PEX5L: variants seen among roughly 807,000 people sequenced by gnomAD.
PEX5L encodes PEX5-related protein.
In PEX5L, 30 loss-of-function variants were observed where a neutral mutation model predicts 84.0. The ratio of observed to expected loss-of-function variants is 0.36; its 90% CI spans 0.27 to 0.48. The LOEUF (loss-of-function observed/expected upper bound fraction) is 0.48. Ranked by LOEUF, PEX5L falls within the 20% of genes least tolerant of loss-of-function variation. PEX5L has a pLI of 0.99. For missense variants in PEX5L, 533 were observed against 754.6 expected (o/e 0.71, Z 3.44); for synonymous variants, 270 against 283.1 (o/e 0.95, Z 0.46).
In PEX5L at chr3:179,885,374, C is replaced by T. The variant is rs142238596; in HGVS notation, c.310+2299G>A. ...AAAAAGGGGAAATTTGGGCCAGGCG[C>T]GGTGGTTCACGCCTGTAATTCCAGC... On this transcript the variant is annotated intron_variant, in intron 4 of 14. Transcript: ENST00000467460. Among the ~76,000 whole-genome samples the T allele has an allele frequency of 6.1e-3, 925 of 152,182 alleles. 6 individuals carry two copies. Among genetic ancestry groups the T allele is most frequent in the Non-Finnish European group, 0.011 (731 of 67,994 alleles).
chr3:179,796,652 T>C lies in PEX5L; in HGVS notation c.*5176A>G, dbSNP rs1717098713. The C allele has an allele frequency of 6.6e-6, 1 of 152,192 alleles. No homozygotes were observed. The highest frequency in any genetic ancestry group is 1.9e-4 in the East Asian group (1 of 5,204). The allele number at this position is 152,192 out of a possible 1,614,324, so 9.4% of individuals were successfully genotyped here. A position where few individuals can be genotyped will look rare whatever the true frequency, so the allele number is the denominator to read the frequency against. ...TATATGGAGTGAGTAACAAAGCTGTTACTAATGTAAGACCACATGGTCTCA... is the reference window on the plus strand; with the variant it reads ...TATATGGAGTGAGTAACAAAGCTGTCACTAATGTAAGACCACATGGTCTCA... On this transcript the variant is annotated 3_prime_UTR_variant, in exon 15 of 15. Coordinates refer to ENST00000467460, the MANE Select transcript of PEX5L (RefSeq NM_016559.3).
intron 8 of PEX5L, among the ~76,000 whole-genome samples, chr3:179,851,469 A>G (rs1420659338): frequency 6.6e-6 from 1 of 152,202 alleles, no homozygotes; most frequent in Non-Finnish European, 1.5e-5. Flanking sequence ...GCTTCAACCT[A>G]TGAATGCTAA....
At chr3:179,834,721 C>G (rs988812322) in intron 8 of PEX5L, among the ~76,000 whole-genome samples, 1 of 152,112 alleles carries the variant, frequency 6.6e-6, no homozygotes, top group Non-Finnish European at 1.5e-5. Flanking sequence ...CAATACTGTC[C>G]TTGAGACCAA....
intron 1 of PEX5L, among the ~76,000 whole-genome samples, chr3:180,007,205 A>G (rs1561054619): frequency 6.6e-6 from 1 of 152,232 alleles, no homozygotes; most frequent in Non-Finnish European, 1.5e-5. Context: ...CGAACGGGTA[A>G]CAGGACCCAT....
intron 8 of PEX5L, among the ~76,000 whole-genome samples, chr3:179,847,522 A>G (rs1394484227): frequency 6.6e-6 from 1 of 152,248 alleles, no homozygotes; most frequent in African/African-American, 2.4e-5. Context: ...GAATAAAGTC[A>G]AATGAATAAA....
At chr3:179,994,584 A>T (rs773929197) in intron 1 of PEX5L, among the ~76,000 whole-genome samples, 1 of 152,156 alleles carries the variant, frequency 6.6e-6, no homozygotes, top group Non-Finnish European at 1.5e-5. Flanking sequence ...GGGAGTCATC[A>T]TCCACTGGCT....
chr3:179,872,022 C>T (rs1184379195), intron 7 of PEX5L, among the ~76,000 whole-genome samples: 1 of 152,112 alleles, frequency 6.6e-6, no homozygotes, highest in South Asian at 2.1e-4. Context: ...AGGAGCTGGG[C>T]TACAGGCTTG....
intron 8 of PEX5L, among the ~76,000 whole-genome samples, chr3:179,845,385 T>C (rs978477029): frequency 1.3e-5 from 2 of 152,210 alleles, no homozygotes; most frequent in African/African-American, 4.8e-5. Flanking sequence ...ATGAATACTT[T>C]CTGGGTATGT....
rs1361175411 is a variant in PEX5L, at chr3:179,808,852, C to T, written c.1353-415G>A. Among the ~76,000 whole-genome samples the T allele has an allele frequency of 2.6e-5, 4 of 151,486 alleles. No homozygotes were observed. In the South Asian group the frequency reaches 6.2e-4, roughly 24 times the overall value. ...CAGCACTTTGGGAGGCCGAGGCGGG[C>T]GGATCACGAGGTCAGGGAATCAAGA... On this transcript the variant is annotated intron_variant, in intron 12 of 14. Coordinates refer to ENST00000467460, the MANE Select transcript of PEX5L (RefSeq NM_016559.3).
Position 179,905,653 on chromosome 3 carries a change from AT to A in PEX5L, c.94-7408del, listed in dbSNP as rs35967860. ...GATTGGCTCCAAAGAAGTTCTTGCC[AT>A]TTTTTTTTTTCCTGACGATGCAGTT... On this transcript the variant is annotated intron_variant, in intron 2 of 14. Coordinates refer to ENST00000467460, the MANE Select transcript of PEX5L (RefSeq NM_016559.3). 9.4e-3 allele frequency among the ~76,000 whole-genome samples: 1,387 copies of A among 147,370 alleles called. 20 individuals are homozygous for A. The highest frequency in any genetic ancestry group is 0.032 in the African/African-American group (1,302 of 40,474).
At chr3:179,872,746 C>T (rs1439059402) in intron 7 of PEX5L, among the ~76,000 whole-genome samples, 4 of 152,160 alleles carry the variant, frequency 2.6e-5, no homozygotes, top group African/African-American at 9.7e-5. Flanking sequence ...TAGAAACAAA[C>T]GTTTTATTGC....
intron 7 of PEX5L, among the ~76,000 whole-genome samples, chr3:179,866,647 T>C (rs1346940793): frequency 2.6e-5 from 4 of 152,162 alleles, no homozygotes; most frequent in South Asian, 2.1e-4. Context: ...TGGAATCTTA[T>C]ACTAGAATAG....
At chr3:179,867,282 GT>G (rs1053373334) in intron 7 of PEX5L, among the ~76,000 whole-genome samples, 2 of 151,960 alleles carry the variant, frequency 1.3e-5, no homozygotes, top group African/African-American at 4.8e-5. Context: ...AAAATTTTGG[GT>G]TTTTTTCCTG....
intron 10 of PEX5L, among the ~76,000 whole-genome samples, chr3:179,812,830 G>T (rs1211826381): frequency 1.3e-5 from 2 of 151,090 alleles, no homozygotes; most frequent in Non-Finnish European, 3.0e-5. Context: ...TTTGGGGAGT[G>T]TGTAACTCTC....
chr3:180,036,853 G>A lies in PEX5L; in HGVS notation c.-254C>T. 1 of 558,432 alleles carries A rather than the reference G, an allele frequency of 1.8e-6. No individual in the cohort carries two copies. Among genetic ancestry groups the A allele is most frequent in the Non-Finnish European group, 3.2e-6 (1 of 309,062 alleles). The allele number at this position is 558,432 out of a possible 1,614,324, so 34.6% of individuals were successfully genotyped here. ...GCAGAGAAGGCGAGGAGCCGGGTCG[G>A]CCAGGCTCTCCTGCAGGCGCGGGTC... is the stretch of plus-strand genomic sequence containing the variant. On this transcript the variant is annotated 5_prime_UTR_variant, in exon 1 of 15. Coordinates refer to ENST00000467460, the MANE Select transcript of PEX5L (RefSeq NM_016559.3).
chr3:179,822,422 C>T lies in PEX5L; in HGVS notation c.823-2446G>A, dbSNP rs567644321. On this transcript the variant is annotated intron_variant, in intron 8 of 14. Transcript: ENST00000467460. ...CCTCAGCTGAGGTAGAGCTGCTGGG[C>T]TCTCACTTAATGAGATACACCAGAA... 2.6e-5 allele frequency among the ~76,000 whole-genome samples: 4 copies of T among 152,312 alleles called. No individual in the cohort carries two copies. In the South Asian group the frequency reaches 8.3e-4, roughly 32 times the overall value.
intron 7 of PEX5L, among the ~76,000 whole-genome samples, chr3:179,860,350 G>C (rs1745603520): frequency 6.6e-6 from 1 of 152,214 alleles, no homozygotes; most frequent in South Asian, 2.1e-4. Context: ...TTTTATTATA[G>C]AGTGGAGGTG....
intron 8 of PEX5L, among the ~76,000 whole-genome samples, chr3:179,821,158 T>C (rs952128662): frequency 6.6e-6 from 1 of 152,152 alleles, no homozygotes; most frequent in Non-Finnish European, 1.5e-5. Context: ...TACATAAGCC[T>C]TCCATATTTC....
intron 7 of PEX5L, among the ~76,000 whole-genome samples, chr3:179,869,101 G>T (rs1749382810): frequency 6.6e-6 from 1 of 152,120 alleles, no homozygotes. Flanking sequence ...GCCAAAGTCA[G>T]CAAAATCAGT....
Sources: allele counts gnomAD v4.1 joint callset (sites outside exome capture counted in the v4.1 genomes callset), GRCh38; gene constraint gnomAD v4.1.1; transcripts MANE v1.5; gene names NCBI Gene and HGNC (gene_info 2026-07-23, HGNC 2026-07-21).